Variants in NPEPPS observed in about 807,000 individuals in gnomAD.
NPEPPS encodes the protein puromycin-sensitive aminopeptidase.
NPEPPS carries 14 observed loss-of-function variants against 115.5 expected under a neutral mutation model. The observed-to-expected ratio is 0.12, with a 90% CI of 0.08 to 0.19. The LOEUF (loss-of-function observed/expected upper bound fraction) is 0.19. NPEPPS is among the 10% of genes least tolerant of loss of function. The pLI is 1.00. For synonymous variants in NPEPPS, 285 were observed against 390.6 expected, an observed-to-expected ratio of 0.73 and a Z score of 3.19; for missense variants, 523 against 1,110.8, an observed-to-expected ratio of 0.47 and a Z score of 7.52.
chr17:47,594,865 C>A (rs2143889468), intron 12 of NPEPPS, among the ~76,000 whole-genome samples: 2 of 151,984 alleles, frequency 1.3e-5, no homozygotes, highest in South Asian at 4.1e-4. Context: ...ATCTCCTGAC[C>A]TCATGATCCG....
intron 14 of NPEPPS, among the ~76,000 whole-genome samples, chr17:47,601,121 G>A (rs59850266): frequency 5.7e-4 from 87 of 152,154 alleles, no homozygotes; most frequent in African/African-American, 2.1e-3. Flanking sequence ...TGTAGTCCCA[G>A]CTACTCAGGA....
At chr17:47,549,083 G>A (rs1258622277) in intron 2 of NPEPPS, among the ~76,000 whole-genome samples, 11 of 151,926 alleles carry the variant, frequency 7.2e-5, no homozygotes, top group African/African-American at 2.7e-4. Context: ...AGTGGCTCAT[G>A]CCTGTAATCC....
At chr17:47,604,183 A>T in intron 16 of NPEPPS, 134 bp downstream of exon 16, 3 of 686,528 alleles carry the variant, frequency 4.4e-6, no homozygotes, top group Non-Finnish European at 6.8e-6. Flanking sequence ...GACTAGAGCA[A>T]ATCACTGTTT....
chr17:47,591,777 C>G, intron 10 of NPEPPS, 179 bp from the exon 11 acceptor site: 2 of 482,522 alleles, frequency 4.1e-6, no homozygotes, highest in Non-Finnish European at 7.4e-6. Context: ...GAATCATGTT[C>G]TATTCAACTT....
At chr17:47,594,071 C>T (rs1321370477) in intron 12 of NPEPPS, among the ~76,000 whole-genome samples, 1 of 152,126 alleles carries the variant, frequency 6.6e-6, no homozygotes, top group Non-Finnish European at 1.5e-5. Context: ...AGGAGGATCA[C>T]TTGAGCCTGG....
intron 4 of NPEPPS, 160 bp downstream of exon 4, chr17:47,579,671 A>C (rs1159768286): frequency 2.5e-5 from 13 of 525,904 alleles, no homozygotes; most frequent in East Asian, 2.2e-4. Flanking sequence ...CATTATCTCT[A>C]TAGAAAGGAG....
intron 5 of NPEPPS, among the ~76,000 whole-genome samples, chr17:47,583,127 C>T (rs1474528958): frequency 5.3e-5 from 8 of 151,460 alleles, no homozygotes; most frequent in African/African-American, 1.9e-4. Flanking sequence ...GGATTACAGG[C>T]ATGAGCCACC....
intron 13 of NPEPPS, among the ~76,000 whole-genome samples, chr17:47,598,621 C>T (rs1313662412): frequency 1.3e-5 from 2 of 152,124 alleles, no homozygotes; most frequent in African/African-American, 2.4e-5. Flanking sequence ...AAACCCAAAA[C>T]TATTGAAATG....
chr17:47,588,850 TAA>T (rs1912342174), intron 9 of NPEPPS, among the ~76,000 whole-genome samples: 1 of 152,148 alleles, frequency 6.6e-6, no homozygotes, highest in African/African-American at 2.4e-5. Context: ...GGTTGGAAAA[TAA>T]GTTTCATTTT....
intron 2 of NPEPPS, among the ~76,000 whole-genome samples, chr17:47,553,950 T>G (rs796350385): frequency 3.3e-5 from 5 of 150,732 alleles, no homozygotes; most frequent in Admixed American, 1.3e-4. Flanking sequence ...CGGGGTTTCA[T>G]CGTGTTAGCC....
chr17:47,551,031 A>C (rs1236533416), intron 2 of NPEPPS, among the ~76,000 whole-genome samples: 1 of 152,220 alleles, frequency 6.6e-6, no homozygotes, highest in Non-Finnish European at 1.5e-5. Context: ...AGTCAGTATC[A>C]GTTTCTTGTT....
At chr17:47,602,201 C>T (rs1354430286) in intron 15 of NPEPPS, among the ~76,000 whole-genome samples, 4 of 151,904 alleles carry the variant, frequency 2.6e-5, no homozygotes, top group African/African-American at 9.7e-5. Flanking sequence ...ACAAAAATAC[C>T]AATAGGTAAG....
At chr17:47,616,558 C>CCTA (rs1893588454) in intron 19 of NPEPPS, among the ~76,000 whole-genome samples, 1 of 151,800 alleles carries the variant, frequency 6.6e-6, no homozygotes, top group South Asian at 2.1e-4. Flanking sequence ...GTGGCGGGCG[C>CCTA]CTGTAGTCCC....
intron 2 of NPEPPS, among the ~76,000 whole-genome samples, chr17:47,554,288 C>G (rs562948150): frequency 1.3e-5 from 2 of 152,158 alleles, no homozygotes; most frequent in Non-Finnish European, 2.9e-5. Context: ...GATCTTCCCC[C>G]CTCAGCCTCG....
intron 2 of NPEPPS, among the ~76,000 whole-genome samples, chr17:47,565,010 A>G (rs973857337): frequency 6.6e-5 from 10 of 152,322 alleles, no homozygotes; most frequent in Middle Eastern, 3.4e-3. Context: ...CATTCATTCT[A>G]CAGATACTTA....
chr17:47,553,996 C>T (rs1052826279), intron 2 of NPEPPS, among the ~76,000 whole-genome samples: 7 of 151,218 alleles, frequency 4.6e-5, no homozygotes, highest in Non-Finnish European at 7.4e-5. Context: ...GTGATCTGCC[C>T]GCCTCGGCCT....
intron 1 of NPEPPS, among the ~76,000 whole-genome samples, chr17:47,534,449 C>G (rs559024585): frequency 1.3e-5 from 2 of 152,306 alleles, no homozygotes; most frequent in South Asian, 4.1e-4. Context: ...GTTGGAATCA[C>G]ATAACACAAA....
At chr17:47,573,793 AG>A (rs1342878103) in intron 3 of NPEPPS, among the ~76,000 whole-genome samples, 2 of 152,216 alleles carry the variant, frequency 1.3e-5, no homozygotes, top group Non-Finnish European at 2.9e-5. Flanking sequence ...ATTGCTTCTT[AG>A]GGGCAGGGTG....
intron 3 of NPEPPS, among the ~76,000 whole-genome samples, chr17:47,573,095 A>G (rs956032680): frequency 7.2e-5 from 11 of 152,224 alleles, no homozygotes; most frequent in African/African-American, 2.4e-4. Context: ...ACTTTCAAAA[A>G]GACAGGAACA....
Sources: allele counts gnomAD v4.1 joint callset (sites outside exome capture counted in the v4.1 genomes callset), GRCh38; gene constraint gnomAD v4.1.1; transcripts MANE v1.5; gene names NCBI Gene and HGNC (gene_info 2026-07-23, HGNC 2026-07-21).